The following HOXA13 variants were observed in gnomAD, a reference collection of about 807,000 sequenced individuals.
HOXA13 encodes the protein homeobox protein Hox-A13.
HOXA13 carries 5 observed loss-of-function variants against 25.7 expected under a neutral mutation model. The observed-to-expected ratio is 0.19, with a 90% confidence interval of 0.10 to 0.41. The LOEUF (loss-of-function observed/expected upper bound fraction) is 0.41. HOXA13 is among the 10% of genes least tolerant of loss of function. HOXA13 has a pLI of 1.00. For synonymous variants in HOXA13, 284 were observed against 241.1 expected (o/e 1.18, Z -1.65); for missense variants, 557 against 533.5 (o/e 1.04, Z -0.43).
Position 27,198,058 on chromosome 7 carries a change from C to T in HOXA13, c.*140G>A. 1 of 959,436 alleles carries T rather than the reference C, an allele frequency of 1.0e-6. No individual in the cohort carries two copies. Among genetic ancestry groups the T allele is most frequent in the Admixed American group, 2.0e-5 (1 of 50,420 alleles). The allele number at this position is 959,436 out of a possible 1,614,324, so 59.4% of individuals were successfully genotyped here. A position where few individuals can be genotyped will look rare whatever the true frequency, so the allele number is the denominator to read the frequency against. On this transcript the variant is annotated 3_prime_UTR_variant, in exon 2 of 2. Coordinates refer to ENST00000649031, the MANE Select transcript of HOXA13 (RefSeq NM_000522.5). ...CCATTAAAGAGAAAGAGATCTCCTT[C>T]GGGAGAGGAAAATGCCAGTCTCTGT...
chr7:27,199,735 A>ACGGGGGCGCCTCCC lies in HOXA13; in HGVS notation c.329_342dup (p.Ser115GlyfsTer225). 1 of 989,348 alleles carries ACGGGGGCGCCTCCC rather than the reference A, an allele frequency of 1.0e-6. No individual in the cohort carries two copies. The highest frequency in any genetic ancestry group is 1.2e-6 in the Non-Finnish European group (1 of 836,616). The allele number at this position is 989,348 out of a possible 1,614,324, so 61.3% of individuals were successfully genotyped here. On this transcript the variant is annotated frameshift_variant, in exon 1 of 2. Coordinates refer to ENST00000649031, the MANE Select transcript of HOXA13 (RefSeq NM_000522.5). LOFTEE classifies it high-confidence loss of function. The stretch of plus-strand genomic sequence containing the variant: ...GCCGCGGCAGCAGCGGCGGCAGCCG[A>ACGGGGGCGCCTCCC]CGGGGGCGCCTCCCCGGGGGCGCTG...
Position 27,200,024 on chromosome 7 carries a change from A to G in HOXA13, c.54T>C (p.Phe18=). ...HPRWIEPTVM[F]LYDNGGGLVA... is the part of the protein sequence containing the mutation. ...CCAGGCCGCCGCCGTTGTCGTAGAG[A>G]AACATGACGGTGGGCTCGATCCAGC... The change falls in exon 1 of 2, where the codon TTT becomes TTC. Residue 18 remains phenylalanine (F), a synonymous_variant. Transcript: ENST00000649031. The G allele has an allele frequency of 6.7e-7, 1 of 1,488,526 alleles. No individual in the cohort carries two copies. The highest frequency in any genetic ancestry group is 9.0e-7 in the Non-Finnish European group (1 of 1,105,426). The allele number at this position is 1,488,526 out of a possible 1,614,324, so 92.2% of individuals were successfully genotyped here.
rs35599078 is a variant in HOXA13, at chr7:27,199,656, G to GGGCCCGCCT, written c.421_422insAGGCGGGCC (p.Gly140_Pro141insGlnAlaGly). 675 of 1,252,972 alleles carry GGGCCCGCCT rather than the reference G, an allele frequency of 5.4e-4. 6 individuals are homozygous for GGGCCCGCCT. In the African/African-American group the frequency reaches 0.01, roughly 19 times the overall value. The allele number at this position is 1,252,972 out of a possible 1,614,324, so 77.6% of individuals were successfully genotyped here. On this transcript the variant is annotated inframe_insertion, in exon 1 of 2. Coordinates refer to ENST00000649031, the MANE Select transcript of HOXA13 (RefSeq NM_000522.5). ...GGCCTCTGCGCCCGCCGGGCCCGCC[G>GGGCCCGCCT]GGCCGGGACCTCCCGAGGACGACGC...
intron 1 of HOXA13, chr7:27,198,764 TC>T (rs1207865108): frequency 3.9e-6 from 2 of 511,924 alleles, no homozygotes; most frequent in Non-Finnish European, 7.0e-6. Context: ...TGTGCCTGCC[TC>T]CTTTCTGGGT....
Position 27,199,555 on chromosome 7 carries a change from C to G in HOXA13, c.523G>C (p.Gly175Arg), listed in dbSNP as rs1400633388. 1.9e-6 allele frequency: 3 copies of G among 1,565,858 alleles called. No individual in the cohort carries two copies. The highest frequency in any genetic ancestry group is 2.6e-6 in the Non-Finnish European group (3 of 1,157,510). Residue 175 changes from glycine to arginine, a missense_variant, in exon 1 of 2, where the codon GGC becomes CGC. Transcript: ENST00000649031. ...GPAALPYGYF[G>R]SGYYPCARMG... Reference sequence around the variant, plus strand: ...CGGGCGCACGGGTAGTAGCCGCTGCCGAAGTAGCCATAGGGCAGCGCCGCG... The same window carrying G: ...CGGGCGCACGGGTAGTAGCCGCTGCGGAAGTAGCCATAGGGCAGCGCCGCG...
rs1734496387 is a variant in HOXA13 at position 27,198,071 on chromosome 7, T to C, written c.*127A>G. The C allele has an allele frequency of 1.9e-6, 2 of 1,057,744 alleles. No individual in the cohort carries two copies. Among genetic ancestry groups the C allele is most frequent in the Admixed American group, 1.9e-5 (1 of 52,446 alleles). 65.5% of individuals were successfully genotyped at this position (1,057,744 alleles called of 1,614,324 possible). ...AGAGATCTCCTTCGGGAGAGGAAAA[T>C]GCCAGTCTCTGTCTCTTTCTCTTTC... On this transcript the variant is annotated 3_prime_UTR_variant, in exon 2 of 2. Transcript: ENST00000649031.
rs1164804791 is a variant in HOXA13 at position 27,194,984 on chromosome 7, C to G, written c.*3214G>C. On this transcript the variant is annotated 3_prime_UTR_variant, in exon 2 of 2. Transcript: ENST00000649031. ...CCAGCTTTGAGGGGATTTTCCACCA[C>G]TTTAAACATTTTGGGAGAAAGTTGT... 2.0e-5 allele frequency: 3 copies of G among 152,224 alleles called. No individual in the cohort carries two copies. The highest frequency in any genetic ancestry group is 4.4e-5 in the Non-Finnish European group (3 of 68,040). 9.4% of individuals were successfully genotyped at this position (152,224 alleles called of 1,614,324 possible). A position where few individuals can be genotyped will look rare whatever the true frequency, so the allele number is the denominator to read the frequency against.
At position 27,199,231 on chromosome 7, in the gene HOXA13, T is replaced by G; in HGVS notation, c.847A>C (p.Asn283His). The G allele has an allele frequency of 1.2e-6, 2 of 1,613,646 alleles. No homozygotes were observed. The highest frequency in any genetic ancestry group is 2.2e-5 in the South Asian group (2 of 91,046). ...CAGTACATTTGGCCGTTCCAGCCGT[T>G]GGGCAGCGCCCAGGGCTGGTAGCTT... ...MESYQPWALPNGWNGQMYCPK... is the reference protein window; with the variant it reads ...MESYQPWALPHGWNGQMYCPK... The change falls in exon 1 of 2, where the codon AAC becomes CAC. Residue 283 changes from asparagine (N) to histidine (H), a missense_variant. Physicochemically the swap from Asn to His is moderately conservative, Grantham distance 68 (BLOSUM62 1). Transcript: ENST00000649031.
chr7:27,198,631 C>T, intron 1 of HOXA13, 189 bp from the exon 2 acceptor site: 1 of 676,956 alleles, frequency 1.5e-6, no homozygotes, highest in South Asian at 1.8e-5. Context: ...GAAATGAAAT[C>T]ACCCAGGGCT....
In HOXA13 at chr7:27,199,331, G is replaced by A; in HGVS notation, c.747C>T (p.Tyr249=). ...GGCCCGGCACCACTGGCATATCCAG[G>A]TAGCCAGGCATGGGCTGATGGTGGT... ...PYHHHQPMPG[Y]LDMPVVPGLG... is the part of the protein sequence containing the mutation. The change falls in exon 1 of 2, where the codon TAC becomes TAT. Residue 249 remains tyrosine (Y), a synonymous_variant. Coordinates refer to ENST00000649031, the MANE Select transcript of HOXA13 (RefSeq NM_000522.5). 2 of 1,614,144 alleles carry A rather than the reference G, an allele frequency of 1.2e-6. No homozygotes were observed. The highest frequency in any genetic ancestry group is 1.7e-6 in the Non-Finnish European group (2 of 1,180,004).
In HOXA13 at chr7:27,198,054, C is replaced by T; in HGVS notation, c.*144G>A. The T allele has an allele frequency of 2.1e-6, 2 of 931,798 alleles. No homozygotes were observed. The highest frequency in any genetic ancestry group is 1.5e-5 in the South Asian group (1 of 67,478). The allele number at this position is 931,798 out of a possible 1,614,324, so 57.7% of individuals were successfully genotyped here. A position where few individuals can be genotyped will look rare whatever the true frequency, so the allele number is the denominator to read the frequency against. ...GATTCCATTAAAGAGAAAGAGATCTCCTTCGGGAGAGGAAAATGCCAGTCT... is the reference window on the plus strand; with the variant it reads ...GATTCCATTAAAGAGAAAGAGATCTTCTTCGGGAGAGGAAAATGCCAGTCT... On this transcript the variant is annotated 3_prime_UTR_variant, in exon 2 of 2. Coordinates refer to ENST00000649031, the MANE Select transcript of HOXA13 (RefSeq NM_000522.5).
At position 27,199,818 on chromosome 7, in the gene HOXA13, C is replaced by T. The variant is rs1784070303; in HGVS notation, c.260G>A (p.Cys87Tyr). The stretch of plus-strand genomic sequence containing the variant: ...CGCCGGGTGCGCCATCAGGTTGCGG[C>T]ACTGGTTGGCCGCGGCCGCCGCCGC... ...AAAAAAAANQ[C>Y]RNLMAHPAPL... The change falls in exon 1 of 2, where the codon TGC becomes TAC. Residue 87 changes from cysteine (C) to tyrosine (Y), a missense_variant. Transcript: ENST00000649031. 1 of 996,048 alleles carries T rather than the reference C, an allele frequency of 1.0e-6. No homozygotes were observed. The highest frequency in any genetic ancestry group is 1.8e-5 in the African/African-American group (1 of 56,920). The allele number at this position is 996,048 out of a possible 1,614,324, so 61.7% of individuals were successfully genotyped here. A position where few individuals can be genotyped will look rare whatever the true frequency, so the allele number is the denominator to read the frequency against.
At position 27,199,469 on chromosome 7, in the gene HOXA13, G is replaced by A. The variant is rs760685198; in HGVS notation, c.609C>T (p.Ala203=). The A allele has an allele frequency of 4.3e-6, 7 of 1,612,012 alleles. No homozygotes were observed. The East Asian group carries it at 1.6e-4, about 36-fold the overall frequency. The change falls in exon 1 of 2, where the codon GCC becomes GCT. Residue 203 remains alanine, a synonymous_variant. Transcript: ENST00000649031. ...CCATGTACTTGTCCGCGAAGGCGGCGGCGGCGGCGGCCGAGGCGGGCTGCG... is the reference window on the plus strand; with the variant it reads ...CCATGTACTTGTCCGCGAAGGCGGCAGCGGCGGCGGCCGAGGCGGGCTGCG... ...SCAQPASAAA[A]AAFADKYMDT...
chr7:27,198,726 T>C, intron 1 of HOXA13: 1 of 547,830 alleles, frequency 1.8e-6, no homozygotes, highest in Non-Finnish European at 3.3e-6. Flanking sequence ...GCCCACACCT[T>C]AGCGCCAGGC....
Position 27,199,299 on chromosome 7 carries a change from C to T in HOXA13, c.779G>A (p.Gly260Asp), listed in dbSNP as rs781211496. Residue 260 changes from glycine (G) to aspartate (D), a missense_variant, in exon 1 of 2, where the codon GGC (glycine) becomes GAC (aspartate). Physicochemically the swap from Gly to Asp is moderately conservative, Grantham distance 94. Transcript: ENST00000649031. ...LDMPVVPGLG[G>D]PGESRHEPLG... ...GGGTTCGTGGCGCGACTCGCCGGGG[C>T]CCCCGAGGCCCGGCACCACTGGCAT... is the stretch of plus-strand genomic sequence containing the variant. The T allele has an allele frequency of 6.2e-7, 1 of 1,613,930 alleles. No individual in the cohort carries two copies. The highest frequency in any genetic ancestry group is 1.1e-5 in the South Asian group (1 of 91,080).
intron 1 of HOXA13, chr7:27,198,714 C>G (rs540841405): frequency 7.0e-5 from 39 of 560,186 alleles, no homozygotes; most frequent in Non-Finnish European, 1.1e-4. Context: ...CCTGGTCCAA[C>G]GGCCCACACC....
chr7:27,199,024 C>T (rs1490599262), intron 1 of HOXA13, 132 bp downstream of exon 1: 1 of 834,114 alleles, frequency 1.2e-6, no homozygotes, highest in South Asian at 1.8e-5. Context: ...CATGCTCGGG[C>T]TCCCAGGGGT....
rs563137358 is a variant in HOXA13, at chr7:27,198,653, C to T, written c.923-211G>A. 14 of 616,472 alleles carry T rather than the reference C, an allele frequency of 2.3e-5. No homozygotes were observed. The Admixed American group carries it at 4.0e-4, about 17-fold the overall frequency. 38.2% of individuals were successfully genotyped at this position (616,472 alleles called of 1,614,324 possible). A position where few individuals can be genotyped will look rare whatever the true frequency, so the allele number is the denominator to read the frequency against. On this transcript the variant is annotated intron_variant, in intron 1 of 1. Coordinates refer to ENST00000649031, the MANE Select transcript of HOXA13 (RefSeq NM_000522.5). ...AATCACCCAGGGCTCCAGTGACTTC[C>T]CCAACCCGGCCATCCTGCAGGAGCA...
rs1428045686 is a variant in HOXA13 at position 27,199,993 on chromosome 7, C to G, written c.85G>C (p.Asp29His). The part of the protein sequence containing the change: ...LYDNGGGLVA[D>H]ELNKNMEGAA... ...CCTTCCATGTTCTTGTTGAGCTCGT[C>G]GGCCACCAGGCCGCCGCCGTTGTCG... is the stretch of plus-strand genomic sequence containing the variant. Residue 29 changes from aspartate (D) to histidine (H), a missense_variant, in exon 1 of 2, where the codon GAC becomes CAC. Asp to His is a moderately conservative substitution (Grantham distance 81). Coordinates refer to ENST00000649031, the MANE Select transcript of HOXA13 (RefSeq NM_000522.5). The G allele has an allele frequency of 1.4e-6, 2 of 1,480,594 alleles. No homozygotes were observed. Among genetic ancestry groups the G allele is most frequent in the Non-Finnish European group, 1.8e-6 (2 of 1,103,320 alleles). The allele number at this position is 1,480,594 out of a possible 1,614,324, so 91.7% of individuals were successfully genotyped here.
Sources: gnomAD v4.1 joint callset for allele counts on GRCh38, gnomAD v4.1.1 for gene constraint, MANE v1.5 for transcripts, NCBI Gene and HGNC (gene_info 2026-07-23, HGNC 2026-07-21) for gene names.